ENTREP2: variants seen among roughly 807,000 people sequenced by gnomAD.
ENTREP2 encodes protein ENTREP2.
chr15:29,172,856 T>G, the ENTREP2 span, among the ~76,000 whole-genome samples: 2 of 152,068 alleles, frequency 1.3e-5, no homozygotes, highest in African/African-American at 4.8e-5. Context: ...TGAGGTGGCC[T>G]CCCAGTACCT....
chr15:29,524,812 G>T, the ENTREP2 span, among the ~76,000 whole-genome samples: 1 of 152,224 alleles, frequency 6.6e-6, no homozygotes, highest in Non-Finnish European at 1.5e-5. Context: ...TAACAAACAT[G>T]GACCAGAAGA....
chr15:29,123,366 G>A, the ENTREP2 span: 37 of 1,542,622 alleles, frequency 2.4e-5, no homozygotes, highest in African/African-American at 1.2e-4. Flanking sequence ...CGTCAGCGCC[G>A]AAGACGGCCT....
the ENTREP2 span, among the ~76,000 whole-genome samples, chr15:29,408,049 G>C: frequency 6.6e-6 from 1 of 151,854 alleles, no homozygotes; most frequent in Non-Finnish European, 1.5e-5. Context: ...GAAATCTGAG[G>C]GACCCTACAC....
At chr15:29,464,809 G>A in the ENTREP2 span, among the ~76,000 whole-genome samples, 6 of 152,282 alleles carry the variant, frequency 3.9e-5, no homozygotes, top group South Asian at 1.0e-3. Flanking sequence ...CTCCGGCCCA[G>A]CCTGGATGCA....
the ENTREP2 span, among the ~76,000 whole-genome samples, chr15:29,645,120 T>C: frequency 1.7e-4 from 26 of 152,108 alleles, no homozygotes; most frequent in Admixed American, 5.9e-4. Context: ...ATACACACTA[T>C]AGCAGGACAT....
chr15:29,175,049 T>G, the ENTREP2 span, among the ~76,000 whole-genome samples: 3 of 152,212 alleles, frequency 2.0e-5, no homozygotes, highest in African/African-American at 7.2e-5. Context: ...GGCCTCAGCT[T>G]GTTCTGAGCA....
chr15:29,483,492 T>C, the ENTREP2 span, among the ~76,000 whole-genome samples: 1 of 152,254 alleles, frequency 6.6e-6, no homozygotes, highest in Non-Finnish European at 1.5e-5. Context: ...TATGATCTAT[T>C]TTAAAGTGCA....
chr15:29,329,804 T>C, the ENTREP2 span, among the ~76,000 whole-genome samples: 1 of 152,170 alleles, frequency 6.6e-6, no homozygotes, highest in South Asian at 2.1e-4. Flanking sequence ...TAACTGTGAG[T>C]ATAAAATAAA....
the ENTREP2 span, among the ~76,000 whole-genome samples, chr15:29,193,951 C>T: frequency 6.6e-6 from 1 of 152,040 alleles, no homozygotes; most frequent in African/African-American, 2.4e-5. Flanking sequence ...CTGAAATTTA[C>T]ACAAGACTGA....
At chr15:29,551,904 A>G in the ENTREP2 span, among the ~76,000 whole-genome samples, 2 of 152,198 alleles carry the variant, frequency 1.3e-5, no homozygotes, top group African/African-American at 2.4e-5. Flanking sequence ...GGCAGCCTCC[A>G]GAGAATAAGT....
the ENTREP2 span, chr15:29,613,468 C>T: frequency 7.0e-6 from 3 of 425,684 alleles, no homozygotes; most frequent in Admixed American, 5.8e-5. Context: ...GGAATGGGCA[C>T]CCTCCTCCAC....
the ENTREP2 span, among the ~76,000 whole-genome samples, chr15:29,385,715 G>A: frequency 6.6e-6 from 1 of 152,160 alleles, no homozygotes; most frequent in African/African-American, 2.4e-5. Flanking sequence ...GGTAGAGAAG[G>A]GTGGGGTGCC....
the ENTREP2 span, chr15:29,234,536 G>A: frequency 7.3e-7 from 1 of 1,374,102 alleles, no homozygotes; most frequent in African/African-American, 1.4e-5. Context: ...TGGTATTGGT[G>A]GGCAAATAGC....
the ENTREP2 span, among the ~76,000 whole-genome samples, chr15:29,540,475 C>T: frequency 1.3e-4 from 20 of 152,218 alleles, no homozygotes; most frequent in African/African-American, 4.8e-4. Flanking sequence ...TTTTCGCCCA[C>T]CAGGGCTCAG....
the ENTREP2 span, among the ~76,000 whole-genome samples, chr15:29,632,989 G>C: frequency 2.5e-3 from 384 of 152,346 alleles, 1 homozygote; most frequent in African/African-American, 8.9e-3. Flanking sequence ...CAGAGGTCTG[G>C]CCTGACCTTG....
At chr15:29,335,877 C>T in the ENTREP2 span, among the ~76,000 whole-genome samples, 42 of 152,060 alleles carry the variant, frequency 2.8e-4, no homozygotes, top group Non-Finnish European at 4.4e-4. Flanking sequence ...CGCAGTGGCT[C>T]ACACCTGTAA....
At chr15:29,432,711 G>A in the ENTREP2 span, among the ~76,000 whole-genome samples, 1 of 152,150 alleles carries the variant, frequency 6.6e-6, no homozygotes, top group Non-Finnish European at 1.5e-5. Flanking sequence ...CACACCTACA[G>A]GGCCTGGCAG....
the ENTREP2 span, among the ~76,000 whole-genome samples, chr15:29,398,103 A>C: frequency 2.1e-4 from 32 of 150,316 alleles, no homozygotes; most frequent in East Asian, 4.3e-3. Context: ...GCCAACATCC[A>C]AACAAAACCA....
At chr15:29,657,044 G>A in the ENTREP2 span, among the ~76,000 whole-genome samples, 10 of 152,204 alleles carry the variant, frequency 6.6e-5, no homozygotes, top group East Asian at 7.8e-4. Context: ...TTCGTGGTGA[G>A]TGTTACAGCT....
Sources: allele counts gnomAD v4.1 joint callset (sites outside exome capture counted in the v4.1 genomes callset), GRCh38; gene constraint gnomAD v4.1.1; transcripts MANE v1.5; gene names NCBI Gene and HGNC (gene_info 2026-07-23, HGNC 2026-07-21).